Variants in PDZRN4 observed in about 807,000 individuals in gnomAD.
PDZRN4 encodes PDZ domain-containing RING finger protein 4.
In PDZRN4, 70 loss-of-function variants were observed where a neutral mutation model predicts 99.0. That is an observed-to-expected ratio of 0.71 (90% confidence interval 0.58 to 0.86). The LOEUF is 0.86. PDZRN4 is among the 40% of genes least tolerant of loss of function. PDZRN4 has a pLI of 0.00. For missense variants in PDZRN4, 1,474 were observed against 1,331.2 expected (o/e 1.11, Z -1.67); for synonymous variants, 551 against 501.6 (o/e 1.10, Z -1.32).
At chr12:41,283,883 A>T (rs11504342) in intron 3 of PDZRN4, among the ~76,000 whole-genome samples, 2 of 152,170 alleles carry the variant, frequency 1.3e-5, no homozygotes, top group Non-Finnish European at 2.9e-5. Context: ...GCTATTTATG[A>T]CAGACCCACA....
At chr12:41,496,365 CT>C (rs1294016820) in intron 3 of PDZRN4, among the ~76,000 whole-genome samples, 1 of 152,102 alleles carries the variant, frequency 6.6e-6, no homozygotes, top group Non-Finnish European at 1.5e-5. Context: ...GCCGGCTCCC[CT>C]AGCTTTGTTT....
intron 9 of PDZRN4, among the ~76,000 whole-genome samples, chr12:41,568,514 T>C (rs1242070253): frequency 6.6e-6 from 1 of 152,196 alleles, no homozygotes; most frequent in Non-Finnish European, 1.5e-5. Flanking sequence ...AAGTCACATA[T>C]TCATTCAACT....
chr12:41,374,523 A>G (rs879514937), intron 3 of PDZRN4, among the ~76,000 whole-genome samples: 8 of 152,196 alleles, frequency 5.3e-5, no homozygotes, highest in Non-Finnish European at 1.0e-4. Flanking sequence ...TAGATCAGCA[A>G]GGGTTTCAGA....
chr12:41,391,923 T>C (rs1471603376), intron 3 of PDZRN4, among the ~76,000 whole-genome samples: 1 of 152,160 alleles, frequency 6.6e-6, no homozygotes, highest in African/African-American at 2.4e-5. Context: ...TCAAATCCTA[T>C]TAAATCTTTC....
At chr12:41,222,000 A>T (rs188025628) in intron 3 of PDZRN4, among the ~76,000 whole-genome samples, 4 of 152,288 alleles carry the variant, frequency 2.6e-5, no homozygotes, top group East Asian at 3.9e-4. Flanking sequence ...GTCTTCTAAG[A>T]TATAATGTGG....
At chr12:41,305,415 C>G (rs772774510) in intron 3 of PDZRN4, among the ~76,000 whole-genome samples, 2 of 152,180 alleles carry the variant, frequency 1.3e-5, no homozygotes, top group Non-Finnish European at 2.9e-5. Flanking sequence ...TGTCAATCAA[C>G]TCGAGTGACT....
intron 3 of PDZRN4, among the ~76,000 whole-genome samples, chr12:41,362,179 C>T (rs143575936): frequency 7.9e-5 from 12 of 152,106 alleles, no homozygotes; most frequent in African/African-American, 2.4e-4. Flanking sequence ...GTCGCACCAT[C>T]GTCCTAAATT....
At chr12:41,360,591 T>C (rs1951956999) in intron 3 of PDZRN4, among the ~76,000 whole-genome samples, 2 of 152,046 alleles carry the variant, frequency 1.3e-5, no homozygotes, top group African/African-American at 4.8e-5. Flanking sequence ...GAAATTATCA[T>C]AGAACACTGC....
chr12:41,381,085 T>TA (rs1416734739), intron 3 of PDZRN4, among the ~76,000 whole-genome samples: 1 of 152,176 alleles, frequency 6.6e-6, no homozygotes, highest in Admixed American at 6.5e-5. Flanking sequence ...AATACTCTAA[T>TA]AGTCTAATTG....
intron 3 of PDZRN4, among the ~76,000 whole-genome samples, chr12:41,270,398 T>G (rs1423658334): frequency 6.6e-6 from 1 of 151,642 alleles, no homozygotes; most frequent in Non-Finnish European, 1.5e-5. Flanking sequence ...TTTAAGCAAC[T>G]TATAGAAATA....
intron 3 of PDZRN4, among the ~76,000 whole-genome samples, chr12:41,237,176 C>T (rs1234066860): frequency 6.6e-6 from 1 of 152,046 alleles, no homozygotes; most frequent in Non-Finnish European, 1.5e-5. Context: ...CCCTCATAGG[C>T]ACTTCTTGGG....
chr12:41,494,400 G>A (rs1297397820), intron 3 of PDZRN4, among the ~76,000 whole-genome samples: 2 of 151,968 alleles, frequency 1.3e-5, no homozygotes, highest in African/African-American at 2.4e-5. Context: ...ACCTCTAGGG[G>A]CAGATAGTAC....
At chr12:41,401,653 A>G (rs1592044636) in intron 3 of PDZRN4, among the ~76,000 whole-genome samples, 1 of 151,972 alleles carries the variant, frequency 6.6e-6, no homozygotes. Context: ...TACTTTATCT[A>G]CCTTGTTATA....
chr12:41,260,561 CTTAT>C (rs1357257813), intron 3 of PDZRN4, among the ~76,000 whole-genome samples: 3 of 151,784 alleles, frequency 2.0e-5, no homozygotes, highest in Non-Finnish European at 4.4e-5. Flanking sequence ...CTAAGGTTGC[CTTAT>C]TTAAGTATTA....
chr12:41,342,403 A>T (rs1918237), intron 3 of PDZRN4, among the ~76,000 whole-genome samples: 58,511 of 151,654 alleles, frequency 0.39, 11,374 homozygotes, highest in South Asian at 0.42. Flanking sequence ...CTTAACAGAC[A>T]ACCTACAGAA....
chr12:41,484,236 T>TA (rs1937731779), intron 3 of PDZRN4, among the ~76,000 whole-genome samples: 2 of 152,316 alleles, frequency 1.3e-5, no homozygotes, highest in South Asian at 4.1e-4. Flanking sequence ...AATACTCAAA[T>TA]AATCATAAGA....
chr12:41,297,873 T>G (rs1001334488), intron 3 of PDZRN4, among the ~76,000 whole-genome samples: 1 of 152,182 alleles, frequency 6.6e-6, no homozygotes, highest in Non-Finnish European at 1.5e-5. Flanking sequence ...ATTATAGTCA[T>G]CCTCTAAGAG....
intron 3 of PDZRN4, among the ~76,000 whole-genome samples, chr12:41,199,268 A>G (rs1950798841): frequency 6.6e-6 from 1 of 152,150 alleles, no homozygotes; most frequent in South Asian, 2.1e-4. Context: ...GCTAAATATC[A>G]CTAATCATAG....
At chr12:41,245,635 G>A (rs1314480944) in intron 3 of PDZRN4, among the ~76,000 whole-genome samples, 1 of 152,068 alleles carries the variant, frequency 6.6e-6, no homozygotes, top group Non-Finnish European at 1.5e-5. Flanking sequence ...GGAATATAGG[G>A]ATTCATTCTT....
Sources: allele counts gnomAD v4.1 joint callset (sites outside exome capture counted in the v4.1 genomes callset), GRCh38; gene constraint gnomAD v4.1.1; transcripts MANE v1.5; gene names NCBI Gene and HGNC (gene_info 2026-07-23, HGNC 2026-07-21).